Variants in CSMD1 observed in about 807,000 individuals in gnomAD.
CSMD1 encodes CUB and sushi domain-containing protein 1.
A neutral mutation model predicts 417.5 loss-of-function variants in CSMD1; 213 were observed. The observed-to-expected ratio is 0.51, with a 90% CI of 0.46 to 0.57. The LOEUF (loss-of-function observed/expected upper bound fraction) is 0.57, where lower values mean the gene tolerates loss of function less well. CSMD1 is among the 20% of genes least tolerant of loss of function. The pLI is 0.00. For missense variants in CSMD1, 6,923 were observed against 4,529.7 expected, an observed-to-expected ratio of 1.53 and a Z score of -15.17; for synonymous variants, 2,862 against 1,736.8, an observed-to-expected ratio of 1.65 and a Z score of -16.11.
intron 2 of CSMD1, among the ~76,000 whole-genome samples, chr8:4,553,101 G>C (rs79350315): frequency 0.014 from 2,086 of 152,276 alleles, 26 homozygotes; most frequent in Middle Eastern, 0.024. Flanking sequence ...TTCTTTCAAA[G>C]ATAGTTTTCG....
In CSMD1 at chr8:4,426,224, C is replaced by T. The variant is rs543332561; in HGVS notation, c.303-6159G>A. The stretch of plus-strand genomic sequence containing the variant: ...TAAGAAGCCTTTTATCTATAGTTAC[C>T]GGACAAGTTTTCCAGTAAAATAACT... On this transcript the variant is annotated intron_variant, in intron 2 of 69. Coordinates refer to ENST00000635120, the MANE Select transcript of CSMD1 (RefSeq NM_033225.6). Among the ~76,000 whole-genome samples, 10 of 151,846 alleles carry T rather than the reference C, an allele frequency of 6.6e-5. No homozygotes were observed. The East Asian group carries it at 9.7e-4, about 15-fold the overall frequency.
chr8:3,789,726 A>ATT lies in CSMD1; in HGVS notation c.819-35686_819-35685dup, dbSNP rs55917452. 2.1e-3 allele frequency among the ~76,000 whole-genome samples: 217 copies of ATT among 101,066 alleles called. 3 individuals are homozygous for ATT. Among genetic ancestry groups the ATT allele is most frequent in the African/African-American group, 5.9e-3 (149 of 25,236 alleles). The allele number at this position is 101,066 out of a possible 152,430, so 66.3% of individuals were successfully genotyped here. A position where few individuals can be genotyped will look rare whatever the true frequency, so the allele number is the denominator to read the frequency against. On this transcript the variant is annotated intron_variant, in intron 5 of 69. Coordinates refer to ENST00000635120, the MANE Select transcript of CSMD1 (RefSeq NM_033225.6). ...ATAGATGTTAAAATGATCATGGTTA[A>ATT]TTTTTTTTTTTTTTTTTTTTTTGAG... is the stretch of plus-strand genomic sequence containing the variant.
At chr8:3,761,052 C>T (rs2623734) in intron 5 of CSMD1, among the ~76,000 whole-genome samples, 138,466 of 152,214 alleles carry the variant, frequency 0.91, 62,985 homozygotes, top group Admixed American at 0.94. Context: ...AATAGAACAA[C>T]CTGATCAAAC....
At chr8:4,477,314 G>A (rs1585140048) in intron 2 of CSMD1, among the ~76,000 whole-genome samples, 1 of 152,268 alleles carries the variant, frequency 6.6e-6, no homozygotes, top group Non-Finnish European at 1.5e-5. Flanking sequence ...TGGGGAAGCC[G>A]AGGCGTTGGT....
At chr8:4,713,117 A>G (rs1178289333) in intron 1 of CSMD1, among the ~76,000 whole-genome samples, 2 of 152,218 alleles carry the variant, frequency 1.3e-5, no homozygotes, top group Non-Finnish European at 2.9e-5. Flanking sequence ...CATTTGAGTT[A>G]AGAAAATTGC....
Position 3,453,924 on chromosome 8 carries a change from C to G in CSMD1, c.1561+14788G>C, listed in dbSNP as rs575553280. 3.3e-5 allele frequency among the ~76,000 whole-genome samples: 5 copies of G among 152,096 alleles called. No homozygotes were observed. In the South Asian group the frequency reaches 8.3e-4, roughly 25 times the overall value. On this transcript the variant is annotated intron_variant, in intron 12 of 69. Transcript: ENST00000635120. ...GTTGACAGTAGGGTGTTAAAGTCTC[C>G]CATTATTATTGTGTGGGACTCTAAG...
chr8:3,818,664 G>A (rs1183283002), intron 5 of CSMD1, among the ~76,000 whole-genome samples: 1 of 152,184 alleles, frequency 6.6e-6, no homozygotes, highest in African/African-American at 2.4e-5. Flanking sequence ...TCTGATGACA[G>A]CAATGATGAC....
Position 3,262,222 on chromosome 8 carries a change from T to A in CSMD1, c.4153+21922A>T, listed in dbSNP as rs1198262581. On this transcript the variant is annotated intron_variant, in intron 26 of 69. Coordinates refer to ENST00000635120, the MANE Select transcript of CSMD1 (RefSeq NM_033225.6). ...ATATATATATATATATATATATATA[T>A]ATATATATACACACACATAGTTAAT... is the stretch of plus-strand genomic sequence containing the variant. Among the ~76,000 whole-genome samples the A allele has an allele frequency of 1.6e-5, 2 of 125,814 alleles. 1 individual carries two copies. The highest frequency in any genetic ancestry group is 6.5e-5 in the African/African-American group (2 of 30,672). 82.5% of individuals were successfully genotyped at this position (125,814 alleles called of 152,430 possible).
intron 3 of CSMD1, among the ~76,000 whole-genome samples, chr8:4,222,535 T>TA (rs1466723555): frequency 6.6e-6 from 1 of 152,132 alleles, no homozygotes; most frequent in African/African-American, 2.4e-5. Flanking sequence ...CAAGAAAACA[T>TA]AAAAACCACA....
At chr8:3,861,314 A>T (rs1044227949) in intron 5 of CSMD1, among the ~76,000 whole-genome samples, 1 of 152,214 alleles carries the variant, frequency 6.6e-6, no homozygotes, top group Non-Finnish European at 1.5e-5. Flanking sequence ...TGAATATTTT[A>T]TCTTGGCTGG....
chr8:4,743,214 G>A (rs1013294596), intron 1 of CSMD1, among the ~76,000 whole-genome samples: 1 of 152,006 alleles, frequency 6.6e-6, no homozygotes, highest in Non-Finnish European at 1.5e-5. Flanking sequence ...TGATAGAGGA[G>A]GTCACATTAT....
rs112739090 is a variant in CSMD1, at chr8:3,232,107, A to G, written c.4154-1876T>C. ...ATTTACCAATACATCAGTATGATCA[A>G]TGCGTAGAACATACCCTTCCCCATA... On this transcript the variant is annotated intron_variant, in intron 26 of 69. Coordinates refer to ENST00000635120, the MANE Select transcript of CSMD1 (RefSeq NM_033225.6). Among the ~76,000 whole-genome samples, 309 of 152,348 alleles carry G rather than the reference A, an allele frequency of 2.0e-3. 1 individual carries two copies. Among genetic ancestry groups the G allele is most frequent in the African/African-American group, 7.0e-3 (291 of 41,584 alleles).
In CSMD1 at chr8:3,308,531, C is replaced by T. The variant is rs774256817; in HGVS notation, c.3632-28G>A. The T allele has an allele frequency of 3.4e-5, 54 of 1,583,142 alleles. No homozygotes were observed. The Middle Eastern group carries it at 5.0e-4, about 15-fold the overall frequency. ...GCAAGAGAGAAAGGCAAGGAATGAACAGAACTCAAGGGTGGACATCTGCCT... is the reference window on the plus strand; with the variant it reads ...GCAAGAGAGAAAGGCAAGGAATGAATAGAACTCAAGGGTGGACATCTGCCT... On this transcript the variant is annotated intron_variant, in intron 23 of 69. Transcript: ENST00000635120.
chr8:3,657,951 T>C (rs929381231), intron 7 of CSMD1, among the ~76,000 whole-genome samples: 4 of 152,170 alleles, frequency 2.6e-5, no homozygotes, highest in African/African-American at 9.6e-5. Flanking sequence ...CCTTACATCA[T>C]TGTTGATTAA....
intron 3 of CSMD1, among the ~76,000 whole-genome samples, chr8:4,149,261 GC>G (rs1226291096): frequency 6.6e-6 from 1 of 152,066 alleles, no homozygotes; most frequent in Non-Finnish European, 1.5e-5. Flanking sequence ...ACTATGCCCA[GC>G]CCGTAATTTT....
At chr8:4,314,985 G>C (rs1320236137) in intron 3 of CSMD1, among the ~76,000 whole-genome samples, 1 of 152,114 alleles carries the variant, frequency 6.6e-6, no homozygotes, top group Non-Finnish European at 1.5e-5. Flanking sequence ...TTCCCACATG[G>C]CTAATAGTAC....
At chr8:4,733,288 A>G (rs1008582113) in intron 1 of CSMD1, among the ~76,000 whole-genome samples, 10 of 152,236 alleles carry the variant, frequency 6.6e-5, no homozygotes, top group African/African-American at 2.2e-4. Flanking sequence ...GGAAAAATAA[A>G]TGACTAAAAA....
chr8:4,204,446 T>C (rs1317600951), intron 3 of CSMD1, among the ~76,000 whole-genome samples: 1 of 152,202 alleles, frequency 6.6e-6, no homozygotes, highest in African/African-American at 2.4e-5. Flanking sequence ...CCACTTTTCC[T>C]TCATGAACAC....
intron 7 of CSMD1, among the ~76,000 whole-genome samples, chr8:3,621,465 T>C (rs1480982509): frequency 6.6e-6 from 1 of 151,984 alleles, no homozygotes; most frequent in African/African-American, 2.4e-5. Context: ...GAATATAAGG[T>C]GTTATTGTGT....
Sources: gnomAD v4.1 joint callset for allele counts (sites outside exome capture counted in the v4.1 genomes callset) on GRCh38, gnomAD v4.1.1 for gene constraint, MANE v1.5 for transcripts, NCBI Gene and HGNC (gene_info 2026-07-23, HGNC 2026-07-21) for gene names.